Variants in MIS18BP1 observed in about 807,000 individuals in gnomAD.
The protein encoded by MIS18BP1 is MIS18 binding protein 1.
Under a neutral mutation model 116.1 loss-of-function variants are expected in MIS18BP1, and 72 were observed. That is an observed-to-expected ratio of 0.62 (90% CI 0.51 to 0.75). The LOEUF is 0.75. MIS18BP1 is among the 30% of genes least tolerant of loss of function. The pLI, the probability that MIS18BP1 is intolerant of heterozygous loss-of-function variation, is 0.00. For missense variants in MIS18BP1, 1,363 were observed against 1,303.2 expected (o/e 1.05, Z -0.71); for synonymous variants, 386 against 427.0 (o/e 0.90, Z 1.18).
chr14:45,242,835 T>C lies in MIS18BP1; in HGVS notation c.584A>G (p.Asp195Gly), dbSNP rs1461648505. The change falls in exon 3 of 17, where the codon GAT becomes GGT. Residue 195 changes from aspartate (D) to glycine (G), a missense_variant. By Grantham distance (94) the Asp-to-Gly change is moderately conservative. Coordinates refer to ENST00000310806, the MANE Select transcript of MIS18BP1 (RefSeq NM_018353.5). Reference protein sequence around the residue: ...QGVPLESSNNDIFLPVKQKIQ... With the variant: ...QGVPLESSNNGIFLPVKQKIQ... Reference sequence around the variant, plus strand: ...CTTTTGTTTGACCGGGAGGAAAATATCATTATTTGATGATTCTAGAGGAAC... The same window carrying C: ...CTTTTGTTTGACCGGGAGGAAAATACCATTATTTGATGATTCTAGAGGAAC... 6.2e-7 allele frequency: 1 copy of C among 1,613,370 alleles called. No individual in the cohort carries two copies. Among genetic ancestry groups the C allele is most frequent in the Admixed American group, 1.7e-5 (1 of 59,974 alleles).
At chr14:45,251,036 C>CA (rs1230380755) in intron 1 of MIS18BP1, among the ~76,000 whole-genome samples, 8,663 of 57,600 alleles carry the variant, frequency 0.15, 517 homozygotes, top group South Asian at 0.22. Context: ...GACTCTGCCT[C>CA]AAAAAAAAAA....
intron 4 of MIS18BP1, chr14:45,241,561 C>T (rs1891575370): frequency 6.6e-6 from 1 of 152,644 alleles, no homozygotes; most frequent in Admixed American, 6.5e-5. Flanking sequence ...CATTCCACTT[C>T]CTTCAGAGAA....
chr14:45,246,532 T>C (rs1891725895), intron 2 of MIS18BP1, among the ~76,000 whole-genome samples: 1 of 152,208 alleles, frequency 6.6e-6, no homozygotes. Context: ...AATTCTGCTT[T>C]TTCCTCTTTC....
intron 9 of MIS18BP1, 25 bp downstream of exon 9, chr14:45,227,638 T>G: frequency 6.3e-7 from 1 of 1,595,920 alleles, no homozygotes; most frequent in South Asian, 1.1e-5. Flanking sequence ...CAACTTGAAC[T>G]ATACAGTGTA....
chr14:45,226,910 A>C, intron 9 of MIS18BP1, 74 bp from the exon 10 acceptor site: 1 of 1,169,914 alleles, frequency 8.5e-7, no homozygotes. Context: ...TTTTCATAGT[A>C]TGCATCAAGC....
chr14:45,227,844 A>G, intron 8 of MIS18BP1, 30 bp from the exon 9 acceptor site: 3 of 1,602,996 alleles, frequency 1.9e-6, no homozygotes, highest in Non-Finnish European at 2.6e-6. Context: ...GATTTCAATA[A>G]ATGGTTATAT....
At chr14:45,250,633 T>C (rs976446105) in intron 1 of MIS18BP1, among the ~76,000 whole-genome samples, 12 of 152,200 alleles carry the variant, frequency 7.9e-5, no homozygotes, top group Non-Finnish European at 1.5e-4. Flanking sequence ...ATCTAATCCT[T>C]AAAACTTATT....
chr14:45,216,400 A>G (rs572346756), intron 13 of MIS18BP1, among the ~76,000 whole-genome samples: 1 of 152,164 alleles, frequency 6.6e-6, no homozygotes, highest in Non-Finnish European at 1.5e-5. Flanking sequence ...CATAAATATA[A>G]TTTACTTTAC....
intron 1 of MIS18BP1, among the ~76,000 whole-genome samples, chr14:45,250,897 C>T (rs1057021516): frequency 1.3e-5 from 2 of 152,070 alleles, no homozygotes; most frequent in Non-Finnish European, 2.9e-5. Context: ...ATTAGCCGGG[C>T]GTGGTGACAC....
intron 7 of MIS18BP1, chr14:45,232,437 AACAAC>A: frequency 4.2e-6 from 1 of 238,406 alleles, no homozygotes; most frequent in Non-Finnish European, 8.1e-6. Flanking sequence ...AAAAAAAAAA[AACAAC>A]AACAAAAAAA....
chr14:45,231,272 G>T lies in MIS18BP1; in HGVS notation c.1463C>A (p.Thr488Asn). ...TCTTCCAGTTTTCTGTTTTTGTTTG[G>T]TCTTTTCCCTGTTCTTTTCACCAGC... ...LRAGEKNREK[T>N]KQKQKTGRSV... Residue 488 changes from threonine (T) to asparagine (N), a missense_variant, in exon 8 of 17, where the codon ACC (threonine) becomes AAC (asparagine). Coordinates refer to ENST00000310806, the MANE Select transcript of MIS18BP1 (RefSeq NM_018353.5). The T allele has an allele frequency of 1.2e-6, 2 of 1,608,148 alleles. No homozygotes were observed. The highest frequency in any genetic ancestry group is 1.7e-6 in the Non-Finnish European group (2 of 1,177,052).
chr14:45,226,919 G>A (rs1042677693), intron 9 of MIS18BP1, 83 bp from the exon 10 acceptor site: 1 of 1,118,610 alleles, frequency 8.9e-7, no homozygotes, highest in Non-Finnish European at 1.2e-6. Context: ...TATGCATCAA[G>A]CATACAAATT....
At chr14:45,249,641 C>T (rs1160013235) in intron 1 of MIS18BP1, among the ~76,000 whole-genome samples, 1 of 152,154 alleles carries the variant, frequency 6.6e-6, no homozygotes, top group Non-Finnish European at 1.5e-5. Context: ...GAGGCCAAGG[C>T]AGGAGAATCA....
chr14:45,229,944 C>T (rs1256422111), intron 8 of MIS18BP1, among the ~76,000 whole-genome samples: 1 of 152,194 alleles, frequency 6.6e-6, no homozygotes. Context: ...TTTTTGCTAG[C>T]TCTGGGGAAG....
Position 45,247,251 on chromosome 14 carries a change from G to C in MIS18BP1, c.36C>G (p.Tyr12Ter). Residue 12 changes from tyrosine to a stop codon, truncating the protein, a stop_gained, in exon 2 of 17, where the codon TAC becomes TAG. Coordinates refer to ENST00000310806, the MANE Select transcript of MIS18BP1 (RefSeq NM_018353.5). LOFTEE classifies it high-confidence loss of function. The stretch of plus-strand genomic sequence containing the variant: ...TTTGAGAAGATGCCTCTGGAGGTAA[G>C]TAAATTCTTGAATGTTTCAAAGGTG... ...IATPLKHSRI[Y>*]LPPEASSQRR... 6.3e-7 allele frequency: 1 copy of C among 1,590,952 alleles called. No homozygotes were observed. Among genetic ancestry groups the C allele is most frequent in the Non-Finnish European group, 8.5e-7 (1 of 1,173,410 alleles).
At chr14:45,238,816 C>T (rs1891496182) in intron 4 of MIS18BP1, among the ~76,000 whole-genome samples, 1 of 152,046 alleles carries the variant, frequency 6.6e-6, no homozygotes, top group African/African-American at 2.4e-5. Context: ...AAAGTAAATA[C>T]ATAAAAATAA....
At chr14:45,211,342 T>A (rs1415183808) in intron 13 of MIS18BP1, among the ~76,000 whole-genome samples, 2 of 152,136 alleles carry the variant, frequency 1.3e-5, no homozygotes, top group Non-Finnish European at 2.9e-5. Context: ...ACTGCAAGAT[T>A]TACTACAATT....
chr14:45,252,475 G>A (rs1891903670), intron 1 of MIS18BP1, among the ~76,000 whole-genome samples: 1 of 152,164 alleles, frequency 6.6e-6, no homozygotes, highest in Non-Finnish European at 1.5e-5. Flanking sequence ...ATTGTAAACA[G>A]TGTTTATCTT....
At chr14:45,235,412 G>A (rs1891397180) in intron 6 of MIS18BP1, among the ~76,000 whole-genome samples, 2 of 151,566 alleles carry the variant, frequency 1.3e-5, no homozygotes, top group Admixed American at 6.6e-5. Context: ...CCAGCCTGGT[G>A]AAACCCCGTC....
Sources: gnomAD v4.1 joint callset for allele counts (sites outside exome capture counted in the v4.1 genomes callset) on GRCh38, gnomAD v4.1.1 for gene constraint, MANE v1.5 for transcripts, NCBI Gene and HGNC (gene_info 2026-07-23, HGNC 2026-07-21) for gene names.